The following MEF2A variants were observed in gnomAD, a reference collection of about 807,000 sequenced individuals.
MEF2A encodes myocyte enhancer factor 2A, also known as myocyte-specific enhancer factor 2A.
In MEF2A, 28 loss-of-function variants were observed where a neutral mutation model predicts 55.8. The ratio of observed to expected loss-of-function variants is 0.50; its 90% confidence interval spans 0.37 to 0.69. The LOEUF is 0.69. Among genes scored for constraint, MEF2A ranks in the 30% least tolerant of loss-of-function variants. The pLI is 0.00. For synonymous variants in MEF2A, 239 were observed against 227.1 expected, an observed-to-expected ratio of 1.05 and a Z score of -0.47; for missense variants, 528 against 626.2, an observed-to-expected ratio of 0.84 and a Z score of 1.67.
intron 4 of MEF2A, among the ~76,000 whole-genome samples, chr15:99,669,646 C>T (rs1176406416): frequency 6.6e-6 from 1 of 152,164 alleles, no homozygotes; most frequent in Admixed American, 6.5e-5. Flanking sequence ...GCTAACGTAT[C>T]TGTACTAATG....
intron 4 of MEF2A, among the ~76,000 whole-genome samples, chr15:99,666,937 CAAG>C (rs958532337): frequency 3.3e-5 from 5 of 152,160 alleles, no homozygotes; most frequent in Non-Finnish European, 2.9e-5. Context: ...TGAATTACCA[CAAG>C]AAGATTTTGA....
At chr15:99,666,991 T>G (rs1258998225) in intron 4 of MEF2A, among the ~76,000 whole-genome samples, 1 of 152,236 alleles carries the variant, frequency 6.6e-6, no homozygotes, top group East Asian at 1.9e-4. Context: ...CTTGTCATAT[T>G]TCATCGATAC....
intron 2 of MEF2A, among the ~76,000 whole-genome samples, chr15:99,614,073 A>G (rs996232002): frequency 6.6e-6 from 1 of 152,156 alleles, no homozygotes; most frequent in African/African-American, 2.4e-5. Flanking sequence ...ACTTTGGGTG[A>G]GTACTGATTG....
At chr15:99,632,021 G>A (rs1005405073) in intron 2 of MEF2A, among the ~76,000 whole-genome samples, 2 of 151,974 alleles carry the variant, frequency 1.3e-5, no homozygotes, top group Non-Finnish European at 2.9e-5. Flanking sequence ...CCATCTCCTC[G>A]TATTTTTATT....
At chr15:99,587,432 T>G (rs1470354484) in intron 1 of MEF2A, among the ~76,000 whole-genome samples, 2 of 152,228 alleles carry the variant, frequency 1.3e-5, no homozygotes, top group African/African-American at 4.8e-5. Flanking sequence ...AAAATTGTTC[T>G]GGCTGTATTA....
At chr15:99,639,305 T>C (rs1046024940) in intron 3 of MEF2A, among the ~76,000 whole-genome samples, 1 of 152,174 alleles carries the variant, frequency 6.6e-6, no homozygotes, top group Non-Finnish European at 1.5e-5. Flanking sequence ...GTGTTTTCTT[T>C]ATATTTTTTA....
chr15:99,656,911 A>T (rs1214033031), intron 4 of MEF2A, among the ~76,000 whole-genome samples: 1 of 152,024 alleles, frequency 6.6e-6, no homozygotes, highest in African/African-American at 2.4e-5. Context: ...ATTCTAGAAC[A>T]TTTTCATCAA....
chr15:99,574,932 T>A (rs1257643246), intron 1 of MEF2A, among the ~76,000 whole-genome samples: 2 of 152,238 alleles, frequency 1.3e-5, no homozygotes, highest in African/African-American at 4.8e-5. Flanking sequence ...TAATGCACTG[T>A]GTACATTTCT....
intron 7 of MEF2A, among the ~76,000 whole-genome samples, chr15:99,685,185 G>C (rs889900921): frequency 6.6e-6 from 1 of 152,134 alleles, no homozygotes; most frequent in Non-Finnish European, 1.5e-5. Flanking sequence ...GGCTCTTTTG[G>C]TTCCATAGGA....
chr15:99,647,142 T>G (rs999822301), intron 4 of MEF2A, among the ~76,000 whole-genome samples: 4 of 152,194 alleles, frequency 2.6e-5, no homozygotes, highest in African/African-American at 7.2e-5. Flanking sequence ...TATCATTTAT[T>G]TATAATACTG....
intron 7 of MEF2A, among the ~76,000 whole-genome samples, chr15:99,683,576 T>C (rs191011554): frequency 3.9e-5 from 6 of 151,978 alleles, no homozygotes; most frequent in Admixed American, 3.3e-4. Flanking sequence ...CCTGCTAATT[T>C]AGCATTTTTT....
chr15:99,667,630 A>AAAG (rs1239151612), intron 4 of MEF2A, among the ~76,000 whole-genome samples: 1 of 152,154 alleles, frequency 6.6e-6, no homozygotes, highest in Non-Finnish European at 1.5e-5. Flanking sequence ...TTGTAAATTC[A>AAAG]AAGATCAGAC....
intron 1 of MEF2A, among the ~76,000 whole-genome samples, chr15:99,596,520 C>T (rs1436567029): frequency 2.0e-5 from 3 of 152,042 alleles, no homozygotes; most frequent in South Asian, 4.1e-4. Context: ...AGGAGGTGTC[C>T]GTTTCCAAAT....
chr15:99,710,000 T>C (rs905725992), intron 10 of MEF2A, among the ~76,000 whole-genome samples: 1 of 152,216 alleles, frequency 6.6e-6, no homozygotes, highest in African/African-American at 2.4e-5. Flanking sequence ...CATTAAGACT[T>C]GCTGATTCAA....
At position 99,680,458 on chromosome 15, in the gene MEF2A, T is replaced by C. The variant is rs9806301; in HGVS notation, c.670+5000T>C. Among the ~76,000 whole-genome samples, 1,287 of 152,312 alleles carry C rather than the reference T, an allele frequency of 8.4e-3. 18 individuals are homozygous for C. The highest frequency in any genetic ancestry group is 0.029 in the African/African-American group (1,223 of 41,560). ...ACTGATGATCTCATGCATGCTTTTG[T>C]GGCATTGTAAATTAGTAACAATCTT... is the stretch of plus-strand genomic sequence containing the variant. On this transcript the variant is annotated intron_variant, in intron 7 of 11. Transcript: ENST00000557942.
intron 1 of MEF2A, among the ~76,000 whole-genome samples, chr15:99,577,125 C>A (rs1964548611): frequency 6.6e-6 from 1 of 152,126 alleles, no homozygotes; most frequent in African/African-American, 2.4e-5. Context: ...ATAGCTAGAT[C>A]CTTTTTAACT....
At chr15:99,686,089 A>G (rs1309679141) in intron 7 of MEF2A, among the ~76,000 whole-genome samples, 2 of 152,042 alleles carry the variant, frequency 1.3e-5, no homozygotes, top group African/African-American at 2.4e-5. Context: ...ATTTTCTAGT[A>G]TATTTTTCCA....
At chr15:99,665,210 G>A (rs908309546) in intron 4 of MEF2A, among the ~76,000 whole-genome samples, 1 of 152,296 alleles carries the variant, frequency 6.6e-6, no homozygotes, top group African/African-American at 2.4e-5. Flanking sequence ...TCTAGCCAGG[G>A]CACTCACTAA....
At chr15:99,596,215 C>G (rs1172964095) in intron 1 of MEF2A, among the ~76,000 whole-genome samples, 2 of 152,098 alleles carry the variant, frequency 1.3e-5, no homozygotes, top group East Asian at 3.8e-4. Context: ...GTGTAACTAT[C>G]AAATTTGTGT....
Sources: allele counts gnomAD v4.1 joint callset (sites outside exome capture counted in the v4.1 genomes callset), GRCh38; gene constraint gnomAD v4.1.1; transcripts MANE v1.5; gene names NCBI Gene and HGNC (gene_info 2026-07-23, HGNC 2026-07-21).